BCAS3: variants seen among roughly 807,000 people sequenced by gnomAD.
BCAS3 encodes BCAS4/BCAS3 fusion.
In BCAS3, 53 loss-of-function variants were observed where a neutral mutation model predicts 116.1. The observed-to-expected ratio is 0.46, with a 90% CI of 0.37 to 0.57. BCAS3 has a LOEUF of 0.57. Ranked by LOEUF, BCAS3 falls within the 20% of genes least tolerant of loss-of-function variation. The probability of loss-of-function intolerance (pLI) is 0.00; values close to 1 mark genes in which losing one functional copy is unlikely to be tolerated. For missense variants in BCAS3, 917 were observed against 1,165.4 expected (o/e 0.79, Z 3.10); for synonymous variants, 391 against 408.2 (o/e 0.96, Z 0.51).
chr17:60,709,434 G>A (rs2037582519), intron 5 of BCAS3, 109 bp downstream of exon 5: 1 of 666,582 alleles, frequency 1.5e-6, no homozygotes, highest in Admixed American at 2.8e-5. Context: ...TCTTCGCCCA[G>A]GCTGGAATGC....
chr17:61,000,096 C>T (rs2064136006), intron 15 of BCAS3, among the ~76,000 whole-genome samples: 1 of 152,084 alleles, frequency 6.6e-6, no homozygotes, highest in Non-Finnish European at 1.5e-5. Flanking sequence ...TTGACTTTCT[C>T]TTTTCCCATT....
rs2070778205 is a variant in BCAS3, at chr17:61,067,317, T to TATATATA, written c.2030-7603_2030-7602insATATATA. ...TATATATATATATATATATATATAT[T>TATATATA]TATACAGACTTGGCAGTATTTTTGG... On this transcript the variant is annotated intron_variant, in intron 19 of 23. Transcript: ENST00000407086. 2.7e-3 allele frequency among the ~76,000 whole-genome samples: 160 copies of TATATATA among 59,652 alleles called. 2 individuals carry two copies. The highest frequency in any genetic ancestry group is 6.1e-3 in the African/African-American group (101 of 16,444). The allele number at this position is 59,652 out of a possible 152,430, so 39.1% of individuals were successfully genotyped here. A position where few individuals can be genotyped will look rare whatever the true frequency, so the allele number is the denominator to read the frequency against.
chr17:60,898,497 T>C (rs928563717), intron 10 of BCAS3, among the ~76,000 whole-genome samples: 4 of 152,180 alleles, frequency 2.6e-5, no homozygotes, highest in African/African-American at 4.8e-5. Context: ...ATTTACTTAA[T>C]GAATTAGGGT....
intron 22 of BCAS3, among the ~76,000 whole-genome samples, chr17:61,353,028 A>C (rs528516981): frequency 6.6e-6 from 1 of 152,248 alleles, no homozygotes; most frequent in African/African-American, 2.4e-5. Context: ...TTGAGGATTG[A>C]CCTCATGGGG....
intron 6 of BCAS3, among the ~76,000 whole-genome samples, chr17:60,763,399 G>A (rs924035569): frequency 4.6e-5 from 7 of 152,144 alleles, no homozygotes; most frequent in African/African-American, 1.7e-4. Flanking sequence ...AGAGTTTTTA[G>A]CATGAAGTGC....
chr17:60,953,340 T>C (rs947525010), intron 14 of BCAS3, among the ~76,000 whole-genome samples: 2 of 152,188 alleles, frequency 1.3e-5, no homozygotes, highest in Admixed American at 1.3e-4. Context: ...CTGGTTTTGA[T>C]TTGCATTTCT....
intron 13 of BCAS3, among the ~76,000 whole-genome samples, chr17:60,944,815 T>A (rs930769314): frequency 2.0e-5 from 3 of 152,150 alleles, no homozygotes; most frequent in Non-Finnish European, 2.9e-5. Context: ...CTTGAAAAAT[T>A]CAATTTTCTT....
chr17:60,703,048 G>A (rs2036622942), intron 4 of BCAS3, among the ~76,000 whole-genome samples: 1 of 151,794 alleles, frequency 6.6e-6, no homozygotes, highest in African/African-American at 2.4e-5. Context: ...GCCAAGGTGG[G>A]TGGATCACCT....
At chr17:61,275,459 G>GT (rs1346216079) in intron 22 of BCAS3, among the ~76,000 whole-genome samples, 2 of 152,060 alleles carry the variant, frequency 1.3e-5, no homozygotes, top group Non-Finnish European at 2.9e-5. Flanking sequence ...CTGAAGCTGG[G>GT]AAGAAAGCTC....
intron 14 of BCAS3, among the ~76,000 whole-genome samples, chr17:60,949,884 AAT>A (rs1407164529): frequency 6.6e-6 from 1 of 152,214 alleles, no homozygotes; most frequent in Non-Finnish European, 1.5e-5. Context: ...CCAACTCTAA[AAT>A]ATGGGAAGTT....
Position 61,375,421 on chromosome 17 carries a change from A to ACTC in BCAS3, c.2593+6930_2593+6932dup, listed in dbSNP as rs529801658. Among the ~76,000 whole-genome samples the ACTC allele has an allele frequency of 7.9e-5, 12 of 151,612 alleles. No homozygotes were observed. In the South Asian group the frequency reaches 2.5e-3, roughly 32 times the overall value. Reference sequence around the variant, plus strand: ...ATCAGCTCTTCCAAAGGGCCTTGGAACTCCTGCCTGGGTCAGTATGGAGGG... The same window carrying ACTC: ...ATCAGCTCTTCCAAAGGGCCTTGGAACTCCTCCTGCCTGGGTCAGTATGGAGGG... On this transcript the variant is annotated intron_variant, in intron 23 of 23. Transcript: ENST00000407086.
chr17:60,919,412 G>A (rs547002128), intron 12 of BCAS3, among the ~76,000 whole-genome samples: 1 of 152,158 alleles, frequency 6.6e-6, no homozygotes, highest in South Asian at 2.1e-4. Context: ...TGCAACCTCT[G>A]CCTCCCAGGT....
At chr17:61,195,669 G>T (rs185563240) in intron 22 of BCAS3, among the ~76,000 whole-genome samples, 4 of 151,274 alleles carry the variant, frequency 2.6e-5, no homozygotes, top group Non-Finnish European at 5.9e-5. Context: ...GTGAGCCACC[G>T]CACCCGGCCC....
At chr17:61,291,810 G>A (rs1178539422) in intron 22 of BCAS3, among the ~76,000 whole-genome samples, 1 of 152,204 alleles carries the variant, frequency 6.6e-6, no homozygotes, top group African/African-American at 2.4e-5. Context: ...GGTTGTGCGT[G>A]TGTCGGTGTG....
At chr17:61,338,888 G>GAAA (rs57701817) in intron 22 of BCAS3, among the ~76,000 whole-genome samples, 4 of 67,274 alleles carry the variant, frequency 5.9e-5, no homozygotes, top group Non-Finnish European at 6.4e-5. Context: ...CCCTTACTGG[G>GAAA]AAAAAAAAAA....
intron 22 of BCAS3, among the ~76,000 whole-genome samples, chr17:61,114,554 G>T (rs1252318934): frequency 3.3e-5 from 5 of 151,534 alleles, no homozygotes; most frequent in Non-Finnish European, 7.4e-5. Context: ...ACCTCTTCAA[G>T]GAGAACTACA....
intron 22 of BCAS3, among the ~76,000 whole-genome samples, chr17:61,187,925 G>T (rs2079876739): frequency 6.6e-6 from 1 of 151,272 alleles, no homozygotes; most frequent in Non-Finnish European, 1.5e-5. Flanking sequence ...TTTCCAATCT[G>T]CATTTTATTT....
intron 15 of BCAS3, among the ~76,000 whole-genome samples, chr17:61,015,535 T>A (rs1387495174): frequency 6.6e-6 from 1 of 152,190 alleles, no homozygotes; most frequent in Non-Finnish European, 1.5e-5. Context: ...TGCCTTGGCC[T>A]CCCAAGGTGC....
intron 3 of BCAS3, among the ~76,000 whole-genome samples, chr17:60,686,289 G>T (rs1452608903): frequency 6.6e-6 from 1 of 152,096 alleles, no homozygotes; most frequent in African/African-American, 2.4e-5. Context: ...AAAAAATAAT[G>T]TTTTCTGCCA....
Sources: gnomAD v4.1 joint callset for allele counts (sites outside exome capture counted in the v4.1 genomes callset) on GRCh38, gnomAD v4.1.1 for gene constraint, MANE v1.5 for transcripts, NCBI Gene and HGNC (gene_info 2026-07-23, HGNC 2026-07-21) for gene names.